Variants in SEPTIN10 observed in about 807,000 individuals in gnomAD.
The protein encoded by SEPTIN10 is septin-10.
Under a neutral mutation model 54.8 loss-of-function variants are expected in SEPTIN10, and 66 were observed. The ratio of observed to expected loss-of-function variants is 1.21; its 90% CI spans 0.99 to 1.48. The LOEUF (loss-of-function observed/expected upper bound fraction) is 1.48, where lower values mean the gene tolerates loss of function less well. Among genes scored for constraint, SEPTIN10 ranks in the 40% most tolerant of loss-of-function variants. The pLI, the probability that SEPTIN10 is intolerant of heterozygous loss-of-function variation, is 0.00. For missense variants in SEPTIN10, 620 were observed against 545.6 expected, an observed-to-expected ratio of 1.14 and a Z score of -1.36; for synonymous variants, 161 against 181.0, an observed-to-expected ratio of 0.89 and a Z score of 0.89.
At position 109,549,187 on chromosome 2, in the gene SEPTIN10, G is replaced by T. The variant is rs1573379202; in HGVS notation, c.1162-2950C>A. Among the ~76,000 whole-genome samples, 5 of 152,340 alleles carry T rather than the reference G, an allele frequency of 3.3e-5. 1 individual carries two copies. Among genetic ancestry groups the T allele is most frequent in the African/African-American group, 9.6e-5 (4 of 41,586 alleles). The stretch of plus-strand genomic sequence containing the variant: ...AAGAGTGGCAGTTCTCTGCACACGT[G>T]TGCATCGGTGATGTGGGAGAGGAGC... On this transcript the variant is annotated intron_variant, in intron 9 of 10. Transcript: ENST00000397712.
In SEPTIN10 at chr2:109,544,038, G is replaced by T. The variant is rs1410884968; in HGVS notation, c.*271C>A. The T allele has an allele frequency of 3.2e-6, 3 of 943,508 alleles. No homozygotes were observed. In the Admixed American group the frequency reaches 8.6e-5, roughly 27 times the overall value. 58.4% of individuals were successfully genotyped at this position (943,508 alleles called of 1,614,324 possible). A position where few individuals can be genotyped will look rare whatever the true frequency, so the allele number is the denominator to read the frequency against. On this transcript the variant is annotated 3_prime_UTR_variant, in exon 11 of 11. Coordinates refer to ENST00000397712, the MANE Select transcript of SEPTIN10 (RefSeq NM_144710.5). ...TCGGGTGGGGAATTTTCCACTTGTG[G>T]GGTCAAGTCAGTGCTCAAAAAGATT...
chr2:109,544,876 T>C, intron 10 of SEPTIN10: 1 of 875,768 alleles, frequency 1.1e-6, no homozygotes, highest in Non-Finnish European at 1.4e-6. Context: ...ATCCATGCCC[T>C]TGGAGAGCTT....
At chr2:109,575,723 T>C (rs936501206) in intron 4 of SEPTIN10, among the ~76,000 whole-genome samples, 15 of 152,240 alleles carry the variant, frequency 9.9e-5, no homozygotes, top group Admixed American at 7.2e-4. Flanking sequence ...AGTTCCCATG[T>C]CAAATTCCCT....
intron 8 of SEPTIN10, among the ~76,000 whole-genome samples, chr2:109,556,037 A>T (rs1684292334): frequency 1.3e-5 from 2 of 152,202 alleles, no homozygotes; most frequent in Admixed American, 1.3e-4. Flanking sequence ...CATCTCTGTG[A>T]CTATCCAGCA....
intron 6 of SEPTIN10, 141 bp downstream of exon 6, chr2:109,567,674 A>C: frequency 1.3e-6 from 1 of 784,008 alleles, no homozygotes; most frequent in East Asian, 2.8e-5. Context: ...ACATTTTCTC[A>C]TACTGGACTT....
intron 9 of SEPTIN10, among the ~76,000 whole-genome samples, chr2:109,549,431 T>A (rs750976388): frequency 6.6e-6 from 1 of 152,182 alleles, no homozygotes; most frequent in Non-Finnish European, 1.5e-5. Flanking sequence ...GGCAGGGAAG[T>A]GTGAATGTGA....
At position 109,609,084 on chromosome 2, in the gene SEPTIN10, C is replaced by G. The variant is rs529651223; in HGVS notation, c.30+4714G>C. On this transcript the variant is annotated intron_variant, in intron 1 of 10. Coordinates refer to ENST00000397712, the MANE Select transcript of SEPTIN10 (RefSeq NM_144710.5). ...ATCAATTAATCCAAACATAACCTGG[C>G]ACTATGTTATAATGAAAATCGGTCT... Among the ~76,000 whole-genome samples, 6 of 152,262 alleles carry G rather than the reference C, an allele frequency of 3.9e-5. 1 individual carries two copies. Among genetic ancestry groups the G allele is most frequent in the African/African-American group, 1.4e-4 (6 of 41,548 alleles).
chr2:109,545,371 AT>A, intron 10 of SEPTIN10: 4 of 1,519,110 alleles, frequency 2.6e-6, no homozygotes, highest in Middle Eastern at 3.4e-4. Flanking sequence ...TGGGTAACTG[AT>A]TTTAACACAT....
chr2:109,590,069 C>A (rs896028992), intron 2 of SEPTIN10, among the ~76,000 whole-genome samples: 1 of 147,532 alleles, frequency 6.8e-6, no homozygotes, highest in Admixed American at 6.8e-5. Flanking sequence ...TATATATACA[C>A]ACACATATAT....
At chr2:109,566,054 A>G (rs1686938200) in intron 6 of SEPTIN10, among the ~76,000 whole-genome samples, 195 bp from the exon 7 acceptor site, 1 of 152,130 alleles carries the variant, frequency 6.6e-6, no homozygotes, top group African/African-American at 2.4e-5. Flanking sequence ...TGGGCCCCAT[A>G]AAGAAAAGTA....
Position 109,564,426 on chromosome 2 carries a change from C to T in SEPTIN10, c.968G>A (p.Arg323Lys), listed in dbSNP as rs985327771. 19 of 1,598,262 alleles carry T rather than the reference C, an allele frequency of 1.2e-5. No individual in the cohort carries two copies. Among genetic ancestry groups the T allele is most frequent in the Admixed American group, 1.7e-5 (1 of 59,262 alleles). Residue 323 changes from arginine (R) to lysine (K), a missense_variant, in exon 8 of 11, where the codon AGG (arginine) becomes AAG (lysine). Arg to Lys is a conservative substitution (Grantham distance 26, BLOSUM62 2). Coordinates refer to ENST00000397712, the MANE Select transcript of SEPTIN10 (RefSeq NM_144710.5). ...QTHTRHYELYRRCKLEEMGFT... is the reference protein window; with the variant it reads ...QTHTRHYELYKRCKLEEMGFT... ...GCCCATTTCCTCCAGTTTGCAGCGC[C>T]TGTAAAGCTCATAGTGCCTGGTATG...
intron 1 of SEPTIN10, among the ~76,000 whole-genome samples, chr2:109,608,929 A>G (rs1469279568): frequency 6.6e-6 from 1 of 152,228 alleles, no homozygotes; most frequent in East Asian, 1.9e-4. Flanking sequence ...GATAAATCAC[A>G]TTAATATGGT....
At position 109,598,184 on chromosome 2, in the gene SEPTIN10, T is replaced by G. The variant is rs533542794; in HGVS notation, c.31-5065A>C. Among the ~76,000 whole-genome samples the G allele has an allele frequency of 9.9e-5, 15 of 152,118 alleles. No individual in the cohort carries two copies. The South Asian group carries it at 2.9e-3, about 30-fold the overall frequency. ...TTCAAGCGATTTGTCTGCCTCAGCC[T>G]CCCAAGTAGAGTAGCTAGGATTACA... On this transcript the variant is annotated intron_variant, in intron 1 of 10. Coordinates refer to ENST00000397712, the MANE Select transcript of SEPTIN10 (RefSeq NM_144710.5).
chr2:109,590,106 G>A (rs1693661540), intron 2 of SEPTIN10, among the ~76,000 whole-genome samples: 1 of 142,324 alleles, frequency 7.0e-6, no homozygotes, highest in Non-Finnish European at 1.5e-5. Context: ...ACATATATAT[G>A]TATGTATATA....
intron 9 of SEPTIN10, 56 bp from the exon 10 acceptor site, chr2:109,546,293 T>C: frequency 8.1e-7 from 1 of 1,228,150 alleles, no homozygotes; most frequent in Non-Finnish European, 1.1e-6. Flanking sequence ...AGAGGCACGC[T>C]CTCCAGCTCA....
intron 4 of SEPTIN10, among the ~76,000 whole-genome samples, chr2:109,584,650 G>C (rs927045692): frequency 1.3e-5 from 2 of 151,850 alleles, no homozygotes; most frequent in Non-Finnish European, 2.9e-5. Flanking sequence ...GAGACACAAG[G>C]TAAAATATAA....
At chr2:109,545,092 C>G in intron 10 of SEPTIN10, 2 of 985,370 alleles carry the variant, frequency 2.0e-6, no homozygotes, top group Middle Eastern at 1.0e-3. Flanking sequence ...GAAAATGGGT[C>G]TGAAATAGAT....
chr2:109,589,648 T>C (rs947489606), intron 2 of SEPTIN10, among the ~76,000 whole-genome samples: 1 of 152,180 alleles, frequency 6.6e-6, no homozygotes, highest in Non-Finnish European at 1.5e-5. Flanking sequence ...GGAATGCTGA[T>C]AAATTTGCTA....
chr2:109,548,719 T>C (rs1286220872), intron 9 of SEPTIN10, among the ~76,000 whole-genome samples: 1 of 129,886 alleles, frequency 7.7e-6, no homozygotes, highest in Non-Finnish European at 1.5e-5. Context: ...GAGGTTGCAG[T>C]GAGCCGAGAT....
Sources: gnomAD v4.1 joint callset for allele counts (sites outside exome capture counted in the v4.1 genomes callset) on GRCh38, gnomAD v4.1.1 for gene constraint, MANE v1.5 for transcripts, NCBI Gene and HGNC (gene_info 2026-07-23, HGNC 2026-07-21) for gene names.